The following EYA1 variants were observed in gnomAD, a reference collection of about 807,000 sequenced individuals.
EYA1 encodes the protein EYA transcriptional coactivator and phosphatase 1.
A neutral mutation model predicts 82.0 loss-of-function variants in EYA1; 16 were observed. That is an observed-to-expected ratio of 0.20 (90% confidence interval 0.13 to 0.30). EYA1 has a LOEUF of 0.30. EYA1 is among the 10% of genes least tolerant of loss of function. The pLI is 1.00. For synonymous variants in EYA1, 261 were observed against 264.4 expected (o/e 0.99, Z 0.12); for missense variants, 633 against 730.7 (o/e 0.87, Z 1.54).
At chr8:71,353,436 A>T (rs564739636) in intron 3 of EYA1, among the ~76,000 whole-genome samples, 3 of 152,352 alleles carry the variant, frequency 2.0e-5, no homozygotes, top group African/African-American at 7.2e-5. Context: ...GGAAGAAAAA[A>T]GTTTCAGAGG....
chr8:71,456,349 T>G (rs1410520872), intron 2 of EYA1, among the ~76,000 whole-genome samples: 1 of 152,166 alleles, frequency 6.6e-6, no homozygotes, highest in African/African-American at 2.4e-5. Context: ...ATTTATAGAT[T>G]TAATGTCATC....
At chr8:71,297,302 A>G (rs1230445156) in intron 9 of EYA1, among the ~76,000 whole-genome samples, 1 of 152,150 alleles carries the variant, frequency 6.6e-6, no homozygotes, top group Non-Finnish European at 1.5e-5. Flanking sequence ...CCTTTTAGGA[A>G]AAATACTCAC....
chr8:71,221,520 A>C (rs1166469258), intron 12 of EYA1, among the ~76,000 whole-genome samples: 1 of 152,224 alleles, frequency 6.6e-6, no homozygotes, highest in Non-Finnish European at 1.5e-5. Context: ...AAAATTCAAC[A>C]TGTTTGCATA....
intron 11 of EYA1, among the ~76,000 whole-genome samples, chr8:71,252,995 A>G (rs1813935652): frequency 6.6e-6 from 1 of 152,200 alleles, no homozygotes; most frequent in African/African-American, 2.4e-5. Context: ...CCAGTAATAC[A>G]TGGTTATAAA....
chr8:71,489,062 G>A (rs1810792569), intron 2 of EYA1, among the ~76,000 whole-genome samples: 1 of 152,160 alleles, frequency 6.6e-6, no homozygotes, highest in Non-Finnish European at 1.5e-5. Context: ...AATTCTTTTA[G>A]GGTTCACGCC....
chr8:71,519,032 A>G (rs1813195187), intron 2 of EYA1, among the ~76,000 whole-genome samples: 1 of 152,196 alleles, frequency 6.6e-6, no homozygotes, highest in African/African-American at 2.4e-5. Flanking sequence ...AATGTACTGT[A>G]CAGTTTGGTT....
chr8:71,489,570 C>A (rs1350341526), intron 2 of EYA1, among the ~76,000 whole-genome samples: 1 of 152,194 alleles, frequency 6.6e-6, no homozygotes, highest in Non-Finnish European at 1.5e-5. Context: ...TTGGGCCTGG[C>A]CCATGTATGT....
chr8:71,382,567 T>C (rs1828765123), intron 2 of EYA1, among the ~76,000 whole-genome samples: 1 of 152,158 alleles, frequency 6.6e-6, no homozygotes, highest in East Asian at 1.9e-4. Context: ...AGTTGCAATT[T>C]GTCTCCTTAA....
At chr8:71,436,343 A>T (rs1806010321) in intron 2 of EYA1, among the ~76,000 whole-genome samples, 1 of 152,158 alleles carries the variant, frequency 6.6e-6, no homozygotes, top group Non-Finnish European at 1.5e-5. Context: ...ATACCCGAAG[A>T]GAGAATCATT....
chr8:71,300,908 C>G (rs1322978251), intron 7 of EYA1, among the ~76,000 whole-genome samples: 1 of 152,036 alleles, frequency 6.6e-6, no homozygotes, highest in Non-Finnish European at 1.5e-5. Flanking sequence ...TCAAAAAGCA[C>G]AAAATTCTAA....
At chr8:71,465,835 G>A (rs962412011) in intron 2 of EYA1, among the ~76,000 whole-genome samples, 1 of 152,050 alleles carries the variant, frequency 6.6e-6, no homozygotes, top group South Asian at 2.1e-4. Context: ...AAAAGGCAAG[G>A]CAAAATTATT....
At chr8:71,359,997 T>C (rs1827230377) in intron 1 of EYA1, among the ~76,000 whole-genome samples, 1 of 152,210 alleles carries the variant, frequency 6.6e-6, no homozygotes, top group Non-Finnish European at 1.5e-5. Flanking sequence ...ATTGTTGTAA[T>C]GAAAACTTAA....
At chr8:71,272,691 C>T (rs1239890809) in intron 9 of EYA1, among the ~76,000 whole-genome samples, 5 of 152,162 alleles carry the variant, frequency 3.3e-5, no homozygotes, top group Admixed American at 6.5e-5. Context: ...TGTGTTCAGA[C>T]TGAACAAAAA....
chr8:71,231,053 T>C (rs904177078), intron 12 of EYA1, among the ~76,000 whole-genome samples: 1 of 152,206 alleles, frequency 6.6e-6, no homozygotes, highest in Admixed American at 6.5e-5. Flanking sequence ...CAGACCATTC[T>C]CCTGGGTTTT....
chr8:71,360,265 A>G (rs2129076858), intron 1 of EYA1, among the ~76,000 whole-genome samples: 1 of 152,352 alleles, frequency 6.6e-6, no homozygotes, highest in South Asian at 2.1e-4. Flanking sequence ...AATAGCTTTA[A>G]AGGATTGTTT....
intron 1 of EYA1, among the ~76,000 whole-genome samples, chr8:71,359,845 A>G (rs974728525): frequency 6.6e-6 from 1 of 152,106 alleles, no homozygotes; most frequent in South Asian, 2.1e-4. Flanking sequence ...CAACCTGAGT[A>G]CTCCCAAATT....
intron 2 of EYA1, among the ~76,000 whole-genome samples, chr8:71,518,661 T>C (rs1355132461): frequency 6.6e-6 from 1 of 152,140 alleles, no homozygotes; most frequent in Non-Finnish European, 1.5e-5. Flanking sequence ...ATGTAGAGTA[T>C]GAATCAACCC....
intron 3 of EYA1, among the ~76,000 whole-genome samples, chr8:71,346,689 T>C (rs1156968352): frequency 6.6e-6 from 1 of 152,032 alleles, no homozygotes; most frequent in Non-Finnish European, 1.5e-5. Flanking sequence ...AGCAAGTCAG[T>C]CACTATAGAT....
chr8:71,374,208 T>A (rs1416110847), intron 2 of EYA1, among the ~76,000 whole-genome samples: 1 of 152,096 alleles, frequency 6.6e-6, no homozygotes, highest in East Asian at 1.9e-4. Context: ...GCCTATGGAT[T>A]GGGAGAAAAT....
Sources: allele counts gnomAD v4.1 joint callset (sites outside exome capture counted in the v4.1 genomes callset), GRCh38; gene constraint gnomAD v4.1.1; transcripts MANE v1.5; gene names NCBI Gene and HGNC (gene_info 2026-07-23, HGNC 2026-07-21).